The following STAMBP variants were observed in gnomAD, a reference collection of about 807,000 sequenced individuals.
STAMBP encodes STAM binding protein, also known as STAM-binding protein.
STAMBP carries 31 observed loss-of-function variants against 50.7 expected under a neutral mutation model. The ratio of observed to expected loss-of-function variants is 0.61; its 90% CI spans 0.46 to 0.83. STAMBP has a LOEUF of 0.83. Among genes scored for constraint, STAMBP ranks in the 40% least tolerant of loss-of-function variants. The pLI, the probability that STAMBP is intolerant of heterozygous loss-of-function variation, is 0.00. For missense variants in STAMBP, 472 were observed against 518.9 expected, an observed-to-expected ratio of 0.91 and a Z score of 0.88; for synonymous variants, 211 against 192.4, an observed-to-expected ratio of 1.10 and a Z score of -0.80.
chr2:73,857,232 C>T (rs17009404), intron 7 of STAMBP, among the ~76,000 whole-genome samples: 15,264 of 152,044 alleles, frequency 0.1, 1,744 homozygotes, highest in African/African-American at 0.28. Context: ...TTTAATGGCC[C>T]GATGTCTTGA....
rs1678519724 is a variant in STAMBP, at chr2:73,863,033, C to T, written c.*774C>T. 1 of 152,094 alleles carries T rather than the reference C, an allele frequency of 6.6e-6. No individual in the cohort carries two copies. Among genetic ancestry groups the T allele is most frequent in the African/African-American group, 2.4e-5 (1 of 41,404 alleles). The allele number at this position is 152,094 out of a possible 1,614,324, so 9.4% of individuals were successfully genotyped here. A position where few individuals can be genotyped will look rare whatever the true frequency, so the allele number is the denominator to read the frequency against. On this transcript the variant is annotated 3_prime_UTR_variant, in exon 10 of 10. Transcript: ENST00000394070. ...TGTCCCAGTTCACTTTTAATTACTC[C>T]TTGTTTTTTATCTGCCTGTTGCCAT...
At chr2:73,839,877 T>C (rs190694007) in intron 2 of STAMBP, among the ~76,000 whole-genome samples, 2 of 152,328 alleles carry the variant, frequency 1.3e-5, no homozygotes, top group East Asian at 3.9e-4. Flanking sequence ...TATCAGGACA[T>C]ACTGAGCCAT....
chr2:73,868,708 AC>A (rs1679067468), downstream of STAMBP, among the ~76,000 whole-genome samples: 1 of 151,764 alleles, frequency 6.6e-6, no homozygotes, highest in Non-Finnish European at 1.5e-5. Context: ...ACATAGTGAA[AC>A]CCTGTCTCTA....
chr2:73,849,305 G>A, intron 5 of STAMBP, 58 bp from the exon 6 acceptor site: 1 of 1,610,704 alleles, frequency 6.2e-7, no homozygotes, highest in Non-Finnish European at 8.5e-7. Context: ...TGGCTGTGAG[G>A]TCTGCTTGAG....
At chr2:73,858,159 ATTT>A (rs35630978) in intron 7 of STAMBP, among the ~76,000 whole-genome samples, 1,579 of 68,306 alleles carry the variant, frequency 0.023, 19 homozygotes, top group Non-Finnish European at 0.032. Flanking sequence ...ATTGTTTTGT[ATTT>A]TTTTTTTTTT....
intron 8 of STAMBP, 69 bp from the exon 9 acceptor site, chr2:73,859,983 G>T (rs1678129821): frequency 2.8e-6 from 3 of 1,061,848 alleles, no homozygotes; most frequent in Admixed American, 1.7e-5. Flanking sequence ...TGGTGTGTGT[G>T]TGCGTGCATA....
intron 5 of STAMBP, among the ~76,000 whole-genome samples, chr2:73,848,846 A>C (rs1317238167): frequency 6.6e-6 from 1 of 152,090 alleles, no homozygotes; most frequent in Non-Finnish European, 1.5e-5. Context: ...AAAATTCCCA[A>C]ATGTTTCAAG....
chr2:73,872,036 G>A (rs1573440519), downstream of STAMBP, among the ~76,000 whole-genome samples: 1 of 152,102 alleles, frequency 6.6e-6, no homozygotes, highest in African/African-American at 2.4e-5. Flanking sequence ...ACCTCCCAAA[G>A]TGCTGGGATT....
In STAMBP at chr2:73,865,957, A is replaced by T. The variant is rs1438690369; in HGVS notation, c.*3698A>T. 6.6e-6 allele frequency: 1 copy of T among 152,238 alleles called. No homozygotes were observed. Among genetic ancestry groups the T allele is most frequent in the Non-Finnish European group, 1.5e-5 (1 of 68,074 alleles). 9.4% of individuals were successfully genotyped at this position (152,238 alleles called of 1,614,324 possible). A position where few individuals can be genotyped will look rare whatever the true frequency, so the allele number is the denominator to read the frequency against. The stretch of plus-strand genomic sequence containing the variant: ...TCCAAATTTCTACTCATTCTCCCTA[A>T]GACCCAGAGCAGACCCAGGACCTAA... On this transcript the variant is annotated 3_prime_UTR_variant, in exon 10 of 10. Coordinates refer to ENST00000394070, the MANE Select transcript of STAMBP (RefSeq NM_213622.4).
At chr2:73,842,866 ATC>A (rs1675572242) in intron 2 of STAMBP, among the ~76,000 whole-genome samples, 1 of 152,210 alleles carries the variant, frequency 6.6e-6, no homozygotes, top group African/African-American at 2.4e-5. Flanking sequence ...AAACACAGAA[ATC>A]TCTGGCCTCA....
intron 8 of STAMBP, 22 bp from the exon 9 acceptor site, chr2:73,860,030 G>A: frequency 6.3e-7 from 1 of 1,584,748 alleles, no homozygotes; most frequent in Non-Finnish European, 8.6e-7. Context: ...TTGACTCTTA[G>A]CCTGCCTTTT....
chr2:73,849,727 C>T (rs183539134), intron 6 of STAMBP, among the ~76,000 whole-genome samples: 2 of 152,198 alleles, frequency 1.3e-5, no homozygotes, highest in African/African-American at 4.8e-5. Context: ...TAGGAAGATC[C>T]AGTCATTATC....
At position 73,836,520 on chromosome 2, in the gene STAMBP, G is replaced by A. The variant is rs548825410; in HGVS notation, c.203+5461G>A. On this transcript the variant is annotated intron_variant, in intron 2 of 9. Transcript: ENST00000394070. ...GAAGTTGTGTATGTGAGGGGTGGAG[G>A]AGGGAGCTGTGGGAGGAATAGACCC... Among the ~76,000 whole-genome samples, 7 of 152,366 alleles carry A rather than the reference G, an allele frequency of 4.6e-5. No individual in the cohort carries two copies. In the East Asian group the frequency reaches 1.3e-3, roughly 29 times the overall value.
At chr2:73,842,770 T>A (rs1462428131) in intron 2 of STAMBP, among the ~76,000 whole-genome samples, 1 of 152,210 alleles carries the variant, frequency 6.6e-6, no homozygotes, top group Non-Finnish European at 1.5e-5. Context: ...TGTACATATA[T>A]GTAATGTTTA....
intron 4 of STAMBP, among the ~76,000 whole-genome samples, chr2:73,846,903 G>A (rs1449726522): frequency 6.6e-5 from 10 of 151,924 alleles, no homozygotes; most frequent in African/African-American, 1.2e-4. Flanking sequence ...GCAACATGGC[G>A]AAACCCTGTC....
At chr2:73,869,405 G>A (rs1399479842), downstream of STAMBP, among the ~76,000 whole-genome samples, 2 of 152,180 alleles carry the variant, frequency 1.3e-5, no homozygotes, top group Middle Eastern at 3.4e-3. Context: ...GCACACTATC[G>A]GTATTCTATG....
intron 9 of STAMBP, among the ~76,000 whole-genome samples, chr2:73,860,928 A>G (rs1678254654): frequency 6.6e-6 from 1 of 152,232 alleles, no homozygotes; most frequent in Non-Finnish European, 1.5e-5. Context: ...AAGTATAAAA[A>G]AAGGGATTGG....
intron 2 of STAMBP, among the ~76,000 whole-genome samples, chr2:73,841,432 T>A (rs1675380803): frequency 6.6e-6 from 1 of 152,198 alleles, no homozygotes; most frequent in African/African-American, 2.4e-5. Context: ...ATACCGTGTT[T>A]AGCATTTTAT....
At chr2:73,829,780 C>T (rs1673676197) in intron 1 of STAMBP, among the ~76,000 whole-genome samples, 1 of 152,132 alleles carries the variant, frequency 6.6e-6, no homozygotes, top group African/African-American at 2.4e-5. Flanking sequence ...GAGAAGACTA[C>T]CCCTGAGGGA....
Sources: allele counts gnomAD v4.1 joint callset (sites outside exome capture counted in the v4.1 genomes callset), GRCh38; gene constraint gnomAD v4.1.1; transcripts MANE v1.5; gene names NCBI Gene and HGNC (gene_info 2026-07-23, HGNC 2026-07-21).